CSMD1: variants seen among roughly 807,000 people sequenced by gnomAD.
CSMD1 encodes the protein CUB and sushi domain-containing protein 1.
In CSMD1, 213 loss-of-function variants were observed where a neutral mutation model predicts 417.5. The ratio of observed to expected loss-of-function variants is 0.51; its 90% CI spans 0.46 to 0.57. The LOEUF is 0.57. Among genes scored for constraint, CSMD1 ranks in the 20% least tolerant of loss-of-function variants. The pLI, the probability that CSMD1 is intolerant of heterozygous loss-of-function variation, is 0.00. For synonymous variants in CSMD1, 2,862 were observed against 1,736.8 expected (o/e 1.65, Z -16.11); for missense variants, 6,923 against 4,529.7 (o/e 1.53, Z -15.17).
intron 2 of CSMD1, among the ~76,000 whole-genome samples, chr8:4,514,702 G>T (rs1241776547): frequency 6.6e-6 from 1 of 152,126 alleles, no homozygotes; most frequent in African/African-American, 2.4e-5. Flanking sequence ...ACCTAATATA[G>T]ATACAAATTA....
At chr8:3,967,581 T>G (rs1239878488) in intron 5 of CSMD1, among the ~76,000 whole-genome samples, 1 of 152,172 alleles carries the variant, frequency 6.6e-6, no homozygotes, top group African/African-American at 2.4e-5. Flanking sequence ...GCTTGACCTC[T>G]GTGTAGAGTC....
At chr8:3,249,060 G>A (rs145010840) in intron 26 of CSMD1, among the ~76,000 whole-genome samples, 77 of 152,234 alleles carry the variant, frequency 5.1e-4, no homozygotes, top group Middle Eastern at 6.8e-3. Flanking sequence ...AGTGTGCAGC[G>A]TACAGTGGGT....
At chr8:4,330,526 G>T (rs1256246070) in intron 3 of CSMD1, among the ~76,000 whole-genome samples, 1 of 150,882 alleles carries the variant, frequency 6.6e-6, no homozygotes, top group East Asian at 2.0e-4. Flanking sequence ...GGAGGCAGAG[G>T]TTACAGTAAG....
intron 26 of CSMD1, among the ~76,000 whole-genome samples, chr8:3,280,989 G>C (rs1298542018): frequency 6.6e-6 from 1 of 152,148 alleles, no homozygotes; most frequent in Non-Finnish European, 1.5e-5. Context: ...GTAAAATGAA[G>C]TACATTCTTT....
intron 3 of CSMD1, among the ~76,000 whole-genome samples, chr8:4,410,706 G>C (rs1289467300): frequency 1.3e-5 from 2 of 151,180 alleles, no homozygotes; most frequent in African/African-American, 2.5e-5. Context: ...AAAAAATCTT[G>C]GGAGAGAAGT....
intron 3 of CSMD1, among the ~76,000 whole-genome samples, chr8:4,381,791 C>A (rs139816390): frequency 6.6e-6 from 1 of 151,992 alleles, no homozygotes; most frequent in South Asian, 2.1e-4. Context: ...TCTAGTTGAC[C>A]TTTTTCTGCT....
chr8:4,189,789 T>A (rs1429778425), intron 3 of CSMD1, among the ~76,000 whole-genome samples: 1 of 152,196 alleles, frequency 6.6e-6, no homozygotes, highest in Non-Finnish European at 1.5e-5. Flanking sequence ...AAGGATAATT[T>A]TATCTTGTTG....
At chr8:4,721,227 T>A (rs568050396) in intron 1 of CSMD1, among the ~76,000 whole-genome samples, 1 of 152,190 alleles carries the variant, frequency 6.6e-6, no homozygotes, top group Non-Finnish European at 1.5e-5. Flanking sequence ...AACATAGGAA[T>A]TGTGTTTTCC....
At chr8:3,415,248 C>T (rs187738707) in intron 12 of CSMD1, among the ~76,000 whole-genome samples, 2,845 of 152,268 alleles carry the variant, frequency 0.019, 56 homozygotes, top group East Asian at 0.096. Context: ...TTACATACTT[C>T]TGATTTTTTT....
At chr8:3,860,528 C>T (rs765098063) in intron 5 of CSMD1, among the ~76,000 whole-genome samples, 3 of 152,072 alleles carry the variant, frequency 2.0e-5, no homozygotes, top group Non-Finnish European at 4.4e-5. Context: ...ACATAAATTA[C>T]TCTGGTGGCC....
intron 3 of CSMD1, among the ~76,000 whole-genome samples, chr8:4,257,203 T>G (rs891549559): frequency 2.6e-3 from 1 of 386 alleles, no homozygotes; most frequent in Non-Finnish European, 0.026. Context: ...TTTTTAAGCA[T>G]GAGAGTTTTA....
intron 2 of CSMD1, among the ~76,000 whole-genome samples, chr8:4,473,973 G>C (rs772309953): frequency 1.3e-5 from 2 of 152,080 alleles, no homozygotes; most frequent in Non-Finnish European, 2.9e-5. Context: ...TTAGGTACCT[G>C]TGTCAAAAGA....
intron 3 of CSMD1, among the ~76,000 whole-genome samples, chr8:4,316,894 G>A (rs1384806715): frequency 2.0e-5 from 3 of 152,004 alleles, no homozygotes; most frequent in South Asian, 2.1e-4. Context: ...TTGGGGTGGG[G>A]GAATCTTCAA....
chr8:4,990,618 C>G (rs994017823), intron 1 of CSMD1, among the ~76,000 whole-genome samples: 12 of 152,146 alleles, frequency 7.9e-5, no homozygotes, highest in Admixed American at 5.9e-4. Context: ...CTCAGCCTCC[C>G]AAAGTGCTGA....
At chr8:3,862,721 G>A (rs188393099) in intron 5 of CSMD1, among the ~76,000 whole-genome samples, 4 of 152,298 alleles carry the variant, frequency 2.6e-5, no homozygotes, top group South Asian at 4.1e-4. Context: ...AAACAACTGA[G>A]TAAGGGAGGC....
intron 42 of CSMD1, 71 bp from the exon 43 acceptor site, chr8:3,110,406 C>A: frequency 7.8e-7 from 1 of 1,285,488 alleles, no homozygotes; most frequent in Non-Finnish European, 1.0e-6. Context: ...AAATATTTGA[C>A]TCCAAAGTAC....
chr8:4,293,578 T>C (rs929075630), intron 3 of CSMD1, among the ~76,000 whole-genome samples: 1 of 152,176 alleles, frequency 6.6e-6, no homozygotes, highest in Non-Finnish European at 1.5e-5. Context: ...TTAGGCACAA[T>C]AAAAGAGCTC....
intron 25 of CSMD1, among the ~76,000 whole-genome samples, chr8:3,304,732 T>G (rs1427284192): frequency 6.6e-6 from 1 of 150,922 alleles, no homozygotes; most frequent in Non-Finnish European, 1.5e-5. Flanking sequence ...ATTTTTCTCT[T>G]TTTAATTTTT....
At chr8:3,577,142 C>T (rs1306356570) in intron 9 of CSMD1, among the ~76,000 whole-genome samples, 1 of 152,194 alleles carries the variant, frequency 6.6e-6, no homozygotes, top group African/African-American at 2.4e-5. Context: ...AAAGCTGGCC[C>T]CGCCCATGGC....
Sources: gnomAD v4.1 joint callset for allele counts (sites outside exome capture counted in the v4.1 genomes callset) on GRCh38, gnomAD v4.1.1 for gene constraint, MANE v1.5 for transcripts, NCBI Gene and HGNC (gene_info 2026-07-23, HGNC 2026-07-21) for gene names.